The following RRM1 variants were observed in gnomAD, a reference collection of about 807,000 sequenced individuals.
The protein encoded by RRM1 is ribonucleotide reductase catalytic subunit M1.
RRM1 carries 19 observed loss-of-function variants against 101.5 expected under a neutral mutation model. That is an observed-to-expected ratio of 0.19 (90% CI 0.13 to 0.27). RRM1 has a LOEUF of 0.27. Ranked by LOEUF, RRM1 falls within the 10% of genes least tolerant of loss-of-function variation. RRM1 has a pLI of 1.00. For missense variants in RRM1, 500 were observed against 962.9 expected, an observed-to-expected ratio of 0.52 and a Z score of 6.36; for synonymous variants, 298 against 323.4, an observed-to-expected ratio of 0.92 and a Z score of 0.84.
At chr11:4,107,187 CG>C (rs2094559494) in intron 3 of RRM1, among the ~76,000 whole-genome samples, 1 of 152,170 alleles carries the variant, frequency 6.6e-6, no homozygotes, top group African/African-American at 2.4e-5. Flanking sequence ...CCACCGCGCC[CG>C]GCCCAGGAAT....
intron 2 of RRM1, chr11:4,105,714 A>G (rs2094557421): frequency 2.7e-6 from 1 of 376,748 alleles, no homozygotes; most frequent in South Asian, 2.1e-5. Flanking sequence ...ACACCCAGCT[A>G]ATTTTTTTTA....
intron 7 of RRM1, among the ~76,000 whole-genome samples, 159 bp from the exon 8 acceptor site, chr11:4,118,161 G>A (rs2094576414): frequency 6.6e-6 from 1 of 151,028 alleles, no homozygotes; most frequent in South Asian, 2.1e-4. Flanking sequence ...ATTGTGTCAT[G>A]TACAGTAAAG....
At chr11:4,099,757 A>T (rs2094548619) in intron 1 of RRM1, among the ~76,000 whole-genome samples, 1 of 152,166 alleles carries the variant, frequency 6.6e-6, no homozygotes, top group African/African-American at 2.4e-5. Flanking sequence ...TCTGGCTTGA[A>T]AAACTAACCA....
At chr11:4,100,909 C>T (rs2094550016) in intron 1 of RRM1, among the ~76,000 whole-genome samples, 1 of 152,200 alleles carries the variant, frequency 6.6e-6, no homozygotes, top group South Asian at 2.1e-4. Context: ...GATATATTCA[C>T]TATTCCTGGT....
At chr11:4,122,082 A>G in intron 10 of RRM1, 59 bp from the exon 11 acceptor site, 2 of 1,289,258 alleles carry the variant, frequency 1.6e-6, no homozygotes, top group Non-Finnish European at 2.2e-6. Flanking sequence ...AGTGTTTCTA[A>G]TGGATTATGG....
chr11:4,114,806 A>G (rs2094570479), intron 7 of RRM1, among the ~76,000 whole-genome samples: 1 of 152,060 alleles, frequency 6.6e-6, no homozygotes, highest in East Asian at 1.9e-4. Context: ...TGCACCTCCC[A>G]GGTCCAAGTG....
At chr11:4,130,086 A>ATATATATATATATATATATAT (rs1202870487) in intron 15 of RRM1, among the ~76,000 whole-genome samples, 43 of 99,438 alleles carry the variant, frequency 4.3e-4, no homozygotes, top group African/African-American at 2.3e-3. Flanking sequence ...ATATATATAT[A>ATATATATATATATATATATAT]TTTTTTTTTT....
intron 8 of RRM1, 94 bp downstream of exon 8, chr11:4,118,555 C>T: frequency 7.5e-7 from 1 of 1,327,384 alleles, no homozygotes; most frequent in Non-Finnish European, 1.0e-6. Context: ...TTTGGGAGTC[C>T]TGGGTCTCTG....
chr11:4,128,804 G>C (rs1397189949), intron 14 of RRM1, among the ~76,000 whole-genome samples: 3 of 152,186 alleles, frequency 2.0e-5, no homozygotes, highest in Admixed American at 6.5e-5. Context: ...AAGAGAATGT[G>C]TCAGCCACAC....
At chr11:4,112,228 A>C (rs1253660624) in intron 7 of RRM1, among the ~76,000 whole-genome samples, 166 bp downstream of exon 7, 1 of 152,262 alleles carries the variant, frequency 6.6e-6, no homozygotes, top group Non-Finnish European at 1.5e-5. Context: ...GAATTGGAGA[A>C]AAGGCAAATG....
In RRM1 at chr11:4,138,222, A is replaced by C. The variant is rs747194731; in HGVS notation, c.2218A>C (p.Arg740=). 4.4e-6 allele frequency: 7 copies of C among 1,587,488 alleles called. No individual in the cohort carries two copies. The highest frequency in any genetic ancestry group is 1.1e-5 in the South Asian group (1 of 89,666). Residue 740 remains arginine, a synonymous_variant, in exon 19 of 19, where the codon AGG becomes CGG. Transcript: ENST00000300738. ...QGLKTGMYYL[R]TRPAANPIQF... Reference sequence around the variant, plus strand: ...TTTGAAGACTGGGATGTATTATTTAAGGACAAGACCAGCGGCTAATCCAAT... The same window carrying C: ...TTTGAAGACTGGGATGTATTATTTACGGACAAGACCAGCGGCTAATCCAAT...
At chr11:4,138,155 A>G (rs778123897) in intron 18 of RRM1, 40 bp from the exon 19 acceptor site, 2 of 1,206,844 alleles carry the variant, frequency 1.7e-6, no homozygotes, top group South Asian at 1.4e-5. Flanking sequence ...TAGTATTCTC[A>G]CAGAGTTTCT....
chr11:4,132,160 A>G lies in RRM1; in HGVS notation c.1770-126A>G, dbSNP rs1049694134. 9.8e-6 allele frequency: 9 copies of G among 918,798 alleles called. No homozygotes were observed. The African/African-American group carries it at 1.5e-4, about 15-fold the overall frequency. 56.9% of individuals were successfully genotyped at this position (918,798 alleles called of 1,614,324 possible). ...ATTTGAAAGTCAACGTGTGAGTTCA[A>G]TGCATGTACGATGTTACATTTACAT... On this transcript the variant is annotated intron_variant, in intron 15 of 18. Transcript: ENST00000300738. The surrounding 1 kb of genome is among the most constrained non-coding windows in gnomAD (Gnocchi z 4.1).
At chr11:4,110,843 G>T (rs1222825268) in intron 5 of RRM1, among the ~76,000 whole-genome samples, 1 of 150,972 alleles carries the variant, frequency 6.6e-6, no homozygotes, top group African/African-American at 2.4e-5. Context: ...CATTTAATCC[G>T]CTGAGGAATC....
chr11:4,133,408 G>A (rs2094603666), intron 16 of RRM1, among the ~76,000 whole-genome samples, 155 bp from the exon 17 acceptor site: 2 of 152,278 alleles, frequency 1.3e-5, no homozygotes, highest in Middle Eastern at 3.4e-3. Flanking sequence ...TCGTGTGGTG[G>A]CATTGATGTC....
chr11:4,105,651 G>A, intron 2 of RRM1: 1 of 400,578 alleles, frequency 2.5e-6, no homozygotes, highest in Non-Finnish European at 4.7e-6. Context: ...CATAATCACA[G>A]CTCATTGCAG....
intron 1 of RRM1, chr11:4,099,300 T>TTTTTTTG (rs1565177862): frequency 7.8e-6 from 1 of 128,390 alleles, no homozygotes; most frequent in African/African-American, 3.0e-5. Flanking sequence ...AGCTAATTTT[T>TTTTTTTG]TTTTTTTTTT....
chr11:4,113,785 G>A (rs897260727), intron 7 of RRM1, among the ~76,000 whole-genome samples: 3 of 152,130 alleles, frequency 2.0e-5, no homozygotes, highest in Non-Finnish European at 4.4e-5. Context: ...TATTACCATG[G>A]TAAGTATTTG....
intron 17 of RRM1, 96 bp from the exon 18 acceptor site, chr11:4,134,986 A>G (rs2094606589): frequency 4.5e-6 from 4 of 880,922 alleles, no homozygotes; most frequent in Non-Finnish European, 7.0e-6. Flanking sequence ...TCTGGCAGGA[A>G]GTAAAATGAA....
Sources: gnomAD v4.1 joint callset for allele counts (sites outside exome capture counted in the v4.1 genomes callset) on GRCh38, gnomAD v4.1.1 for gene constraint, Gnocchi (gnomAD v3.1) non-coding constraint, MANE v1.5 for transcripts, NCBI Gene and HGNC (gene_info 2026-07-23, HGNC 2026-07-21) for gene names.